The following KIAA1217 variants were observed in gnomAD, a reference collection of about 807,000 sequenced individuals.
The protein encoded by KIAA1217 is KIAA1217, also known as sickle tail protein homolog.
A neutral mutation model predicts 163.9 loss-of-function variants in KIAA1217; 88 were observed. That is an observed-to-expected ratio of 0.54 (90% CI 0.45 to 0.64). The LOEUF (loss-of-function observed/expected upper bound fraction) is 0.64, where lower values mean the gene tolerates loss of function less well. Ranked by LOEUF, KIAA1217 falls within the 30% of genes least tolerant of loss-of-function variation. The pLI is 0.00. For missense variants in KIAA1217, 2,372 were observed against 2,475.0 expected, an observed-to-expected ratio of 0.96 and a Z score of 0.88; for synonymous variants, 903 against 923.1, an observed-to-expected ratio of 0.98 and a Z score of 0.39.
intron 1 of KIAA1217, among the ~76,000 whole-genome samples, chr10:23,717,508 C>A (rs1837645392): frequency 6.6e-6 from 1 of 152,026 alleles, no homozygotes; most frequent in South Asian, 2.1e-4. Flanking sequence ...TAAAGTCACC[C>A]CAACATGGAA....
intron 1 of KIAA1217, among the ~76,000 whole-genome samples, chr10:23,716,206 G>A (rs1837560144): frequency 6.6e-6 from 1 of 151,984 alleles, no homozygotes; most frequent in Non-Finnish European, 1.5e-5. Flanking sequence ...CTATGCTTAG[G>A]GCATCTGGAA....
At chr10:24,179,852 T>C (rs1201578103) in intron 2 of KIAA1217, among the ~76,000 whole-genome samples, 4 of 152,178 alleles carry the variant, frequency 2.6e-5, no homozygotes, top group African/African-American at 9.7e-5. Flanking sequence ...CTTCCCAAAG[T>C]GCTGGGATTG....
chr10:24,429,863 C>A (rs971852592), intron 3 of KIAA1217, among the ~76,000 whole-genome samples: 1 of 152,096 alleles, frequency 6.6e-6, no homozygotes, highest in Non-Finnish European at 1.5e-5. Context: ...GTTTGTCAGG[C>A]CAGACATGGT....
rs1234852221 is a variant in KIAA1217, at chr10:23,861,986, T to TATTTCTATTCCTA, written c.-320-145237_-320-145236insTTCTATTCCTAAT. 2.0e-5 allele frequency among the ~76,000 whole-genome samples: 3 copies of TATTTCTATTCCTA among 152,294 alleles called. No individual in the cohort carries two copies. The South Asian group carries it at 6.2e-4, about 32-fold the overall frequency. ...TGTTATGACAGCAATAGAAAACTAA[T>TATTTCTATTCCTA]ATAAGTAGGAAGCTGTGACCAGAGT... On this transcript the variant is annotated intron_variant, in intron 1 of 18. Transcript: ENST00000376462.
intron 1 of KIAA1217, among the ~76,000 whole-genome samples, chr10:23,932,482 T>A (rs1224888301): frequency 6.6e-6 from 1 of 150,510 alleles, no homozygotes; most frequent in Non-Finnish European, 1.5e-5. Context: ...TTGAGCAATA[T>A]AATGTATCCT....
At chr10:24,293,726 T>TCTTAAATTA (rs1373375758) in intron 2 of KIAA1217, among the ~76,000 whole-genome samples, 1 of 152,210 alleles carries the variant, frequency 6.6e-6, no homozygotes, top group Non-Finnish European at 1.5e-5. Flanking sequence ...ATCAACGGTG[T>TCTTAAATTA]CTTAAATTAA....
chr10:24,064,290 G>C lies in KIAA1217; in HGVS notation c.-171+56916G>C, dbSNP rs564214920. Among the ~76,000 whole-genome samples the C allele has an allele frequency of 7.2e-5, 11 of 152,184 alleles. No individual in the cohort carries two copies. In the South Asian group the frequency reaches 1.7e-3, roughly 23 times the overall value. On this transcript the variant is annotated intron_variant, in intron 2 of 18. Coordinates refer to the KIAA1217 transcript ENST00000376462. ...ATTGGCTGTGGGTTTGTCATAGATAGCTCTTATTATTTTGAGATACATCCC... is the reference window on the plus strand; with the variant it reads ...ATTGGCTGTGGGTTTGTCATAGATACCTCTTATTATTTTGAGATACATCCC...
At chr10:24,087,467 GC>G (rs554245684) in intron 2 of KIAA1217, among the ~76,000 whole-genome samples, 476 of 152,210 alleles carry the variant, frequency 3.1e-3, no homozygotes, top group Non-Finnish European at 5.4e-3. Flanking sequence ...AACTAGAGGG[GC>G]CCAAATACAT....
chr10:24,093,985 AT>A (rs1318383997), intron 2 of KIAA1217, among the ~76,000 whole-genome samples: 1 of 151,880 alleles, frequency 6.6e-6, no homozygotes, highest in Non-Finnish European at 1.5e-5. Flanking sequence ...TGAACTCATC[AT>A]TTTTTATGGC....
intron 2 of KIAA1217, among the ~76,000 whole-genome samples, chr10:24,115,893 C>T (rs774927618): frequency 6.6e-6 from 1 of 152,116 alleles, no homozygotes; most frequent in Non-Finnish European, 1.5e-5. Flanking sequence ...AAGAAGGTGG[C>T]TTCATTCTTA....
intron 2 of KIAA1217, among the ~76,000 whole-genome samples, chr10:24,190,162 A>G (rs974261350): frequency 2.0e-5 from 3 of 152,076 alleles, no homozygotes; most frequent in Non-Finnish European, 4.4e-5. Flanking sequence ...TCCCCTTGGT[A>G]TAAGGCAAGA....
chr10:24,116,679 C>A (rs991108255), intron 2 of KIAA1217, among the ~76,000 whole-genome samples: 1 of 151,630 alleles, frequency 6.6e-6, no homozygotes, highest in Non-Finnish European at 1.5e-5. Context: ...TTTTTTTTGT[C>A]CTCACCACTC....
At chr10:24,500,938 A>G (rs1014336734) in intron 8 of KIAA1217, among the ~76,000 whole-genome samples, 1 of 152,118 alleles carries the variant, frequency 6.6e-6, no homozygotes, top group African/African-American at 2.4e-5. Context: ...AATAGTAAAC[A>G]AACAAACAAA....
At chr10:23,910,306 G>A (rs1055187705) in intron 1 of KIAA1217, among the ~76,000 whole-genome samples, 1 of 151,432 alleles carries the variant, frequency 6.6e-6, no homozygotes, top group Non-Finnish European at 1.5e-5. Flanking sequence ...AAAAAAAAAA[G>A]AAAAGAAAAG....
At chr10:23,774,164 G>A (rs1416847887) in intron 1 of KIAA1217, among the ~76,000 whole-genome samples, 2 of 152,056 alleles carry the variant, frequency 1.3e-5, no homozygotes, top group Non-Finnish European at 2.9e-5. Context: ...AGTCCATTAG[G>A]GAAGGAAGAT....
intron 9 of KIAA1217, among the ~76,000 whole-genome samples, chr10:24,511,570 C>G (rs1214524996): frequency 6.6e-6 from 1 of 151,876 alleles, no homozygotes; most frequent in African/African-American, 2.4e-5. Context: ...TCGTTTGAAC[C>G]CGGGAGGCAG....
chr10:24,094,100 G>T (rs372883307), intron 2 of KIAA1217, among the ~76,000 whole-genome samples: 1 of 151,828 alleles, frequency 6.6e-6, no homozygotes, highest in Non-Finnish European at 1.5e-5. Context: ...GAATAGTGCC[G>T]CAATAAACAT....
Position 23,910,343 on chromosome 10 carries a change from G to A in KIAA1217, c.-320-96882G>A, listed in dbSNP as rs148830723. Among the ~76,000 whole-genome samples, 34 of 152,074 alleles carry A rather than the reference G, an allele frequency of 2.2e-4. 1 individual carries two copies. The highest frequency in any genetic ancestry group is 6.8e-3 in the Middle Eastern group (2 of 294). On this transcript the variant is annotated intron_variant, in intron 1 of 18. Transcript: ENST00000376462. ...AAGCTAAGGGAAAAAGTAGATAAGCGATTTCAAAATCTCAAGTAAAATGGC... is the reference window on the plus strand; with the variant it reads ...AAGCTAAGGGAAAAAGTAGATAAGCAATTTCAAAATCTCAAGTAAAATGGC...
intron 2 of KIAA1217, among the ~76,000 whole-genome samples, chr10:24,247,078 G>A (rs1256733793): frequency 6.7e-6 from 1 of 148,804 alleles, no homozygotes; most frequent in African/African-American, 2.5e-5. Context: ...CAACAGTATG[G>A]CCCTTTGGCT....
Sources: gnomAD v4.1 joint callset for allele counts (sites outside exome capture counted in the v4.1 genomes callset) on GRCh38, gnomAD v4.1.1 for gene constraint, MANE v1.5 for transcripts, NCBI Gene and HGNC (gene_info 2026-07-23, HGNC 2026-07-21) for gene names.